Variants in DCC observed in about 807,000 individuals in gnomAD.
The protein encoded by DCC is DCC netrin 1 receptor.
A neutral mutation model predicts 172.5 loss-of-function variants in DCC; 58 were observed. The observed-to-expected ratio is 0.34, with a 90% CI of 0.27 to 0.42. DCC has a LOEUF of 0.42. Among genes scored for constraint, DCC ranks in the 10% least tolerant of loss-of-function variants. The probability of loss-of-function intolerance (pLI) is 1.00; values close to 1 mark genes in which losing one functional copy is unlikely to be tolerated. For synonymous variants in DCC, 709 were observed against 644.5 expected, an observed-to-expected ratio of 1.10 and a Z score of -1.52; for missense variants, 1,740 against 1,791.0, an observed-to-expected ratio of 0.97 and a Z score of 0.51.
At chr18:52,839,037 C>T (rs2038760909) in intron 2 of DCC, among the ~76,000 whole-genome samples, 1 of 151,988 alleles carries the variant, frequency 6.6e-6, no homozygotes, top group South Asian at 2.1e-4. Context: ...ACATGTGGAG[C>T]AATCACAGGA....
intron 7 of DCC, among the ~76,000 whole-genome samples, chr18:53,112,807 A>G (rs2043352280): frequency 6.6e-6 from 1 of 151,554 alleles, no homozygotes; most frequent in South Asian, 2.1e-4. Context: ...AGGCCACAGA[A>G]TATGGTGAAG....
At chr18:53,177,712 C>T (rs146138270) in intron 8 of DCC, among the ~76,000 whole-genome samples, 1 of 152,134 alleles carries the variant, frequency 6.6e-6, no homozygotes, top group East Asian at 1.9e-4. Flanking sequence ...CTGGAATCAG[C>T]ACACATCACA....
intron 1 of DCC, among the ~76,000 whole-genome samples, chr18:52,701,905 C>T (rs1443705786): frequency 6.6e-6 from 1 of 152,152 alleles, no homozygotes. Context: ...GTTATTATTG[C>T]TCCTTGTGTA....
At chr18:53,369,898 G>A (rs2058042663) in intron 15 of DCC, among the ~76,000 whole-genome samples, 2 of 151,718 alleles carry the variant, frequency 1.3e-5, no homozygotes, top group Non-Finnish European at 3.0e-5. Flanking sequence ...ATATTTATAG[G>A]AGATATTGGT....
intron 1 of DCC, among the ~76,000 whole-genome samples, chr18:52,516,282 A>ATAAG (rs1442117705): frequency 1.3e-5 from 2 of 152,260 alleles, no homozygotes; most frequent in African/African-American, 4.8e-5. Flanking sequence ...AAATAAATAT[A>ATAAG]TAAGTGTTTA....
chr18:53,438,134 T>C (rs774639758), intron 22 of DCC, among the ~76,000 whole-genome samples: 1 of 152,218 alleles, frequency 6.6e-6, no homozygotes, highest in Non-Finnish European at 1.5e-5. Context: ...TTTAAGAAGC[T>C]ATTTCTACAA....
chr18:53,382,248 A>T (rs1406223422), intron 15 of DCC, among the ~76,000 whole-genome samples: 1 of 152,140 alleles, frequency 6.6e-6, no homozygotes, highest in East Asian at 1.9e-4. Context: ...AAATGGCTCA[A>T]GCCTAATAAA....
intron 1 of DCC, among the ~76,000 whole-genome samples, chr18:52,360,816 A>T (rs1984586587): frequency 6.6e-6 from 1 of 152,224 alleles, no homozygotes; most frequent in East Asian, 1.9e-4. Context: ...ACAAATGTTT[A>T]GTTCCTGAAT....
intron 1 of DCC, among the ~76,000 whole-genome samples, chr18:52,504,779 G>A (rs369026356): frequency 2.9e-4 from 44 of 150,596 alleles, no homozygotes; most frequent in Non-Finnish European, 5.0e-4. Flanking sequence ...CCTCCCCCCG[G>A]CCACCTCAGT....
intron 5 of DCC, among the ~76,000 whole-genome samples, chr18:53,019,159 C>T (rs954425924): frequency 2.0e-5 from 3 of 152,136 alleles, no homozygotes; most frequent in South Asian, 2.1e-4. Context: ...AGAGCTTTCA[C>T]GTAATTCAAT....
intron 1 of DCC, among the ~76,000 whole-genome samples, chr18:52,394,950 G>C (rs1406204453): frequency 6.6e-6 from 1 of 152,054 alleles, no homozygotes; most frequent in Non-Finnish European, 1.5e-5. Context: ...TTGAGAAAGA[G>C]ACTATTTCCC....
intron 2 of DCC, among the ~76,000 whole-genome samples, chr18:52,850,629 C>T (rs1183320963): frequency 6.6e-6 from 1 of 151,996 alleles, no homozygotes; most frequent in Non-Finnish European, 1.5e-5. Context: ...TTTTTTTCCC[C>T]ACTTATTCCT....
At chr18:52,644,123 A>G (rs2034963959) in intron 1 of DCC, among the ~76,000 whole-genome samples, 1 of 152,072 alleles carries the variant, frequency 6.6e-6, no homozygotes, top group Non-Finnish European at 1.5e-5. Context: ...ATTTATTAGG[A>G]TTTACTGTGT....
At chr18:53,020,707 G>C (rs1378235335) in intron 5 of DCC, among the ~76,000 whole-genome samples, 1 of 152,122 alleles carries the variant, frequency 6.6e-6, no homozygotes, top group African/African-American at 2.4e-5. Context: ...ATACCTCTCA[G>C]GTCAACATAT....
chr18:53,156,555 G>A (rs920314978), intron 7 of DCC, among the ~76,000 whole-genome samples: 4 of 151,322 alleles, frequency 2.6e-5, no homozygotes, highest in Non-Finnish European at 5.9e-5. Flanking sequence ...TATAGTATGT[G>A]ATTTTTCTTT....
At chr18:52,882,754 G>A (rs1391192614) in intron 2 of DCC, among the ~76,000 whole-genome samples, 1 of 152,102 alleles carries the variant, frequency 6.6e-6, no homozygotes, top group Non-Finnish European at 1.5e-5. Context: ...GAAATGTACT[G>A]TAAATAGCTA....
intron 5 of DCC, among the ~76,000 whole-genome samples, chr18:53,023,958 G>A (rs1364916733): frequency 1.4e-4 from 21 of 152,112 alleles, no homozygotes; most frequent in Admixed American, 1.3e-3. Context: ...TCTAAAATGT[G>A]TATCTATATG....
intron 1 of DCC, among the ~76,000 whole-genome samples, chr18:52,405,977 T>C (rs1040229556): frequency 4.6e-4 from 69 of 151,240 alleles, no homozygotes; most frequent in Non-Finnish European, 8.3e-4. Context: ...AACAGAGATA[T>C]AGATCAATGG....
intron 1 of DCC, among the ~76,000 whole-genome samples, chr18:52,738,567 G>A (rs2036764305): frequency 6.6e-6 from 1 of 152,064 alleles, no homozygotes; most frequent in South Asian, 2.1e-4. Flanking sequence ...TGAGTGAGTG[G>A]TAATCGAATA....
Sources: allele counts gnomAD v4.1 joint callset (sites outside exome capture counted in the v4.1 genomes callset), GRCh38; gene constraint gnomAD v4.1.1; transcripts MANE v1.5; gene names NCBI Gene and HGNC (gene_info 2026-07-23, HGNC 2026-07-21).